The following RFC3 variants were observed in gnomAD, a reference collection of about 807,000 sequenced individuals.
RFC3 encodes the protein replication factor C subunit 3.
A neutral mutation model predicts 45.1 loss-of-function variants in RFC3; 41 were observed. The ratio of observed to expected loss-of-function variants is 0.91; its 90% CI spans 0.71 to 1.18. The LOEUF is 1.18. Among genes scored for constraint, RFC3 ranks in the 50% most tolerant of loss-of-function variants. The pLI is 0.00. For missense variants in RFC3, 423 were observed against 428.1 expected (o/e 0.99, Z 0.10); for synonymous variants, 149 against 144.0 (o/e 1.03, Z -0.25).
chr13:33,948,706 C>T (rs2082969975), intron 8 of RFC3, among the ~76,000 whole-genome samples: 1 of 152,226 alleles, frequency 6.6e-6, no homozygotes, highest in African/African-American at 2.4e-5. Flanking sequence ...TCAGCATGAC[C>T]TGGACGTGAG....
chr13:33,842,852 G>A (rs1781533528), intron 8 of RFC3, among the ~76,000 whole-genome samples: 1 of 152,136 alleles, frequency 6.6e-6, no homozygotes, highest in African/African-American at 2.4e-5. Flanking sequence ...TGGTTTCCAT[G>A]TGTGAATCAG....
intron 8 of RFC3, among the ~76,000 whole-genome samples, chr13:33,880,178 G>T (rs2082473714): frequency 6.6e-6 from 1 of 152,110 alleles, no homozygotes; most frequent in Non-Finnish European, 1.5e-5. Flanking sequence ...TTGGGGCATT[G>T]TTATTCTGTC....
chr13:33,906,420 G>T (rs1406734067), intron 8 of RFC3, among the ~76,000 whole-genome samples: 2 of 151,880 alleles, frequency 1.3e-5, no homozygotes, highest in Non-Finnish European at 2.9e-5. Context: ...GAGATACCCA[G>T]AATCTCCATA....
intron 8 of RFC3, among the ~76,000 whole-genome samples, chr13:33,916,748 G>A (rs1227308968): frequency 6.7e-6 from 1 of 148,498 alleles, no homozygotes; most frequent in Non-Finnish European, 1.5e-5. Context: ...GTGTGTATGT[G>A]TGTACATATG....
At chr13:33,872,403 G>A (rs912595447) in intron 8 of RFC3, among the ~76,000 whole-genome samples, 3 of 152,144 alleles carry the variant, frequency 2.0e-5, no homozygotes, top group African/African-American at 7.2e-5. Context: ...AACTTTACCA[G>A]TCTCCAAATA....
chr13:33,882,717 A>G (rs1057066597), intron 8 of RFC3, among the ~76,000 whole-genome samples: 1 of 152,176 alleles, frequency 6.6e-6, no homozygotes, highest in Non-Finnish European at 1.5e-5. Context: ...AAGCAGCCCT[A>G]AGACAGCAAC....
intron 8 of RFC3, among the ~76,000 whole-genome samples, chr13:33,926,950 G>A (rs1229822534): frequency 1.3e-5 from 2 of 151,568 alleles, no homozygotes; most frequent in African/African-American, 4.8e-5. Flanking sequence ...CTGATAAAAT[G>A]AGATACACCA....
At position 33,884,626 on chromosome 13, in the gene RFC3, A is replaced by G. The variant is rs189874713; in HGVS notation, c.879+49409A>G. Reference sequence around the variant, plus strand: ...CCAGCTGAACCTTGTAATTACATCCAGAGCCCGCTCACCATGGCGACAGCG... The same window carrying G: ...CCAGCTGAACCTTGTAATTACATCCGGAGCCCGCTCACCATGGCGACAGCG... On this transcript the variant is annotated intron_variant, in intron 8 of 8. Coordinates refer to the RFC3 transcript ENST00000434425. Among the ~76,000 whole-genome samples, 46 of 152,336 alleles carry G rather than the reference A, an allele frequency of 3.0e-4. No homozygotes were observed. In the East Asian group the frequency reaches 8.7e-3, roughly 29 times the overall value.
intron 8 of RFC3, among the ~76,000 whole-genome samples, chr13:33,937,103 T>G (rs1019415731): frequency 6.6e-6 from 1 of 152,174 alleles, no homozygotes; most frequent in Non-Finnish European, 1.5e-5. Flanking sequence ...TCATGTACCA[T>G]GTAATGTTTC....
At chr13:33,823,881 A>C (rs780159870) in intron 2 of RFC3, 36 bp from the exon 3 acceptor site, 2 of 1,149,782 alleles carry the variant, frequency 1.7e-6, no homozygotes, top group Non-Finnish European at 2.5e-6. Flanking sequence ...ATAGGCAATA[A>C]ATAAATGTTA....
At chr13:33,873,388 C>T (rs2082425032) in intron 8 of RFC3, among the ~76,000 whole-genome samples, 1 of 152,212 alleles carries the variant, frequency 6.6e-6, no homozygotes, top group Admixed American at 6.5e-5. Context: ...GAAGATTAAA[C>T]TATTTCAAAG....
intron 8 of RFC3, among the ~76,000 whole-genome samples, chr13:33,962,382 T>C (rs1369798944): frequency 6.6e-6 from 1 of 152,176 alleles, no homozygotes; most frequent in African/African-American, 2.4e-5. Context: ...TTCTTTACTC[T>C]CCTCTTGCTT....
chr13:33,860,640 C>T (rs902051534), intron 8 of RFC3, among the ~76,000 whole-genome samples: 1 of 152,108 alleles, frequency 6.6e-6, no homozygotes, highest in Non-Finnish European at 1.5e-5. Context: ...GAGAGAAACT[C>T]GTTCTTTCCC....
chr13:33,942,203 G>A (rs899251750), intron 8 of RFC3, among the ~76,000 whole-genome samples: 1 of 151,880 alleles, frequency 6.6e-6, no homozygotes, highest in Non-Finnish European at 1.5e-5. Context: ...TCTTAATAAT[G>A]CTTCTTGGTA....
chr13:33,839,578 C>G (rs190008049), downstream of RFC3, among the ~76,000 whole-genome samples: 14 of 152,310 alleles, frequency 9.2e-5, no homozygotes, highest in East Asian at 2.7e-3. Flanking sequence ...GATCAAGCTT[C>G]AGTGTACTGA....
intron 8 of RFC3, among the ~76,000 whole-genome samples, chr13:33,877,570 C>T (rs1210722495): frequency 6.6e-6 from 1 of 151,872 alleles, no homozygotes; most frequent in Non-Finnish European, 1.5e-5. Flanking sequence ...ATAAAGCCAG[C>T]CACTACTTTG....
At chr13:33,900,983 A>G (rs1001723306) in intron 8 of RFC3, among the ~76,000 whole-genome samples, 1 of 151,986 alleles carries the variant, frequency 6.6e-6, no homozygotes, top group Admixed American at 6.6e-5. Context: ...GCAAATCAAA[A>G]TCACAATGAG....
intron 8 of RFC3, among the ~76,000 whole-genome samples, chr13:33,940,565 G>A (rs370562671): frequency 1.2e-4 from 18 of 152,234 alleles, no homozygotes; most frequent in African/African-American, 4.1e-4. Flanking sequence ...TCATGCTGTT[G>A]TCATAGCCAT....
intron 8 of RFC3, among the ~76,000 whole-genome samples, chr13:33,913,726 T>G (rs1387882135): frequency 6.6e-6 from 1 of 152,104 alleles, no homozygotes; most frequent in Non-Finnish European, 1.5e-5. Context: ...TGTTTGTCAA[T>G]AGTGAGCCCT....
Sources: gnomAD v4.1 joint callset for allele counts (sites outside exome capture counted in the v4.1 genomes callset) on GRCh38, gnomAD v4.1.1 for gene constraint, MANE v1.5 for transcripts, NCBI Gene and HGNC (gene_info 2026-07-23, HGNC 2026-07-21) for gene names.